The following DENND1A variants were observed in gnomAD, a reference collection of about 807,000 sequenced individuals.
DENND1A encodes DENN domain containing 1A.
In DENND1A, 51 loss-of-function variants were observed where a neutral mutation model predicts 113.7. The observed-to-expected ratio is 0.45, with a 90% CI of 0.36 to 0.57. The LOEUF (loss-of-function observed/expected upper bound fraction) is 0.57. Ranked by LOEUF, DENND1A falls within the 20% of genes least tolerant of loss-of-function variation. The pLI is 0.00. For missense variants in DENND1A, 1,258 were observed against 1,395.9 expected (o/e 0.90, Z 1.57); for synonymous variants, 565 against 570.8 (o/e 0.99, Z 0.14).
At chr9:123,441,003 T>C (rs2046892330) in intron 18 of DENND1A, among the ~76,000 whole-genome samples, 1 of 152,184 alleles carries the variant, frequency 6.6e-6, no homozygotes, top group African/African-American at 2.4e-5. Flanking sequence ...TTTAGGATTC[T>C]AATTTTTTTT....
Position 123,382,110 on chromosome 9 carries a change from G to A in DENND1A, c.2535C>T (p.Ala845=), listed in dbSNP as rs946408548. The change falls in exon 24 of 24, where the codon GCC becomes GCT. Residue 845 remains alanine, a synonymous_variant. Transcript: ENST00000394215. ...AGGCTGTGCTGAGCGGGTCCAGGAG[G>A]GCGAGCAGGGCGTCACTGCTCGTGC... is the stretch of plus-strand genomic sequence containing the variant. ...AAGTSSDALL[A]LLDPLSTAWS... is the part of the protein sequence containing the mutation. 6 of 1,565,410 alleles carry A rather than the reference G, an allele frequency of 3.8e-6. No individual in the cohort carries two copies. The highest frequency in any genetic ancestry group is 1.7e-4 in the Middle Eastern group (1 of 5,838).
chr9:123,616,650 C>T (rs370033280), intron 10 of DENND1A, among the ~76,000 whole-genome samples: 1 of 152,174 alleles, frequency 6.6e-6, no homozygotes, highest in Non-Finnish European at 1.5e-5. Context: ...ACAGGTTTGG[C>T]TCTGAGCACT....
chr9:123,833,095 G>A (rs561953859), intron 2 of DENND1A, among the ~76,000 whole-genome samples: 25 of 135,004 alleles, frequency 1.9e-4, no homozygotes, highest in South Asian at 1.7e-3. Flanking sequence ...ACTGCGCTCC[G>A]GTCTGAACGA....
At chr9:123,815,078 G>A (rs1394347076) in intron 2 of DENND1A, among the ~76,000 whole-genome samples, 1 of 152,146 alleles carries the variant, frequency 6.6e-6, no homozygotes, top group African/African-American at 2.4e-5. Context: ...CACTAGAAAA[G>A]AAAGCGATGT....
intron 1 of DENND1A, among the ~76,000 whole-genome samples, chr9:123,886,407 TA>T (rs1173688062): frequency 6.6e-6 from 1 of 152,174 alleles, no homozygotes; most frequent in Non-Finnish European, 1.5e-5. Context: ...ACGAAATAGT[TA>T]TTAGGACCCC....
intron 8 of DENND1A, 135 bp downstream of exon 8, chr9:123,666,890 GT>G: frequency 1.2e-6 from 1 of 800,624 alleles, no homozygotes. Context: ...TTATACTTTT[GT>G]TTTTATAATG....
At chr9:123,909,063 C>T (rs1205662855) in intron 1 of DENND1A, among the ~76,000 whole-genome samples, 1 of 152,008 alleles carries the variant, frequency 6.6e-6, no homozygotes, top group Non-Finnish European at 1.5e-5. Flanking sequence ...ATGGATGAAA[C>T]TGGAAATCAT....
intron 5 of DENND1A, among the ~76,000 whole-genome samples, chr9:123,743,501 G>A (rs914433004): frequency 7.9e-5 from 12 of 152,146 alleles, no homozygotes; most frequent in Admixed American, 7.9e-4. Flanking sequence ...GGAGGCTGGG[G>A]TGGGTGCATC....
chr9:123,546,823 G>A (rs911032767), intron 13 of DENND1A, among the ~76,000 whole-genome samples: 1 of 152,152 alleles, frequency 6.6e-6, no homozygotes, highest in Non-Finnish European at 1.5e-5. Context: ...CCAGGATGGT[G>A]CAAGATATAC....
intron 19 of DENND1A, among the ~76,000 whole-genome samples, chr9:123,419,139 G>A (rs1319083830): frequency 6.6e-6 from 1 of 152,254 alleles, no homozygotes; most frequent in East Asian, 1.9e-4. Context: ...AGATGCTGGA[G>A]GCCACAGGGA....
At chr9:123,880,196 A>G (rs985771232) in intron 1 of DENND1A, among the ~76,000 whole-genome samples, 2 of 152,064 alleles carry the variant, frequency 1.3e-5, no homozygotes, top group Admixed American at 6.5e-5. Flanking sequence ...GTATTTTAGT[A>G]GAGATGGGGT....
intron 10 of DENND1A, among the ~76,000 whole-genome samples, chr9:123,621,643 C>T (rs1344274467): frequency 6.6e-6 from 1 of 152,200 alleles, no homozygotes; most frequent in African/African-American, 2.4e-5. Context: ...AACATTGGCT[C>T]AGTGACCTCC....
At chr9:123,842,469 G>GAA (rs951794756) in intron 2 of DENND1A, among the ~76,000 whole-genome samples, 1 of 145,150 alleles carries the variant, frequency 6.9e-6, no homozygotes, top group East Asian at 2.0e-4. Context: ...TGGTTTAGCA[G>GAA]AAAAAAAAAA....
chr9:123,872,131 A>G (rs1250473814), intron 2 of DENND1A, among the ~76,000 whole-genome samples: 1 of 152,208 alleles, frequency 6.6e-6, no homozygotes, highest in Non-Finnish European at 1.5e-5. Flanking sequence ...GTAGGTTCTT[A>G]AACCAATACA....
chr9:123,769,082 C>A (rs1829306837), intron 4 of DENND1A, among the ~76,000 whole-genome samples: 1 of 152,148 alleles, frequency 6.6e-6, no homozygotes, highest in African/African-American at 2.4e-5. Flanking sequence ...TACTTTTAAA[C>A]AAGATAGGGC....
intron 13 of DENND1A, among the ~76,000 whole-genome samples, chr9:123,518,397 A>G (rs2054114855): frequency 6.6e-6 from 1 of 152,110 alleles, no homozygotes; most frequent in African/African-American, 2.4e-5. Flanking sequence ...CGGAGACAGC[A>G]GTTCTCAAAA....
At chr9:123,641,381 C>T (rs143981825) in intron 9 of DENND1A, among the ~76,000 whole-genome samples, 162 of 146,036 alleles carry the variant, frequency 1.1e-3, no homozygotes, top group African/African-American at 3.9e-3. Flanking sequence ...GACCGCATTA[C>T]TAAAATAATA....
chr9:123,452,226 T>G (rs773934290), intron 17 of DENND1A, 50 bp downstream of exon 17: 1 of 1,511,214 alleles, frequency 6.6e-7, no homozygotes, highest in South Asian at 1.1e-5. Context: ...AGTCTCATCA[T>G]GCTAAGGGAC....
At chr9:123,587,516 G>A (rs567779286) in intron 11 of DENND1A, among the ~76,000 whole-genome samples, 11 of 152,190 alleles carry the variant, frequency 7.2e-5, no homozygotes, top group Non-Finnish European at 1.5e-4. Context: ...TAGAAGAGCC[G>A]TGGCAAGATG....
Sources: gnomAD v4.1 joint callset for allele counts (sites outside exome capture counted in the v4.1 genomes callset) on GRCh38, gnomAD v4.1.1 for gene constraint, MANE v1.5 for transcripts, NCBI Gene and HGNC (gene_info 2026-07-23, HGNC 2026-07-21) for gene names.